The following ADORA2B variants were observed in gnomAD, a reference collection of about 807,000 sequenced individuals.
The protein encoded by ADORA2B is adenosine receptor A2b.
ADORA2B carries 18 observed loss-of-function variants against 20.8 expected under a neutral mutation model. That is an observed-to-expected ratio of 0.87 (90% CI 0.60 to 1.29). The LOEUF is 1.29. ADORA2B is among the 50% of genes most tolerant of loss of function. The probability of loss-of-function intolerance (pLI) is 0.00; values close to 1 mark genes in which losing one functional copy is unlikely to be tolerated. For missense variants in ADORA2B, 441 were observed against 422.7 expected, an observed-to-expected ratio of 1.04 and a Z score of -0.38; for synonymous variants, 179 against 178.3, an observed-to-expected ratio of 1.00 and a Z score of -0.03.
chr17:15,959,737 G>A (rs1970012847), intron 1 of ADORA2B, among the ~76,000 whole-genome samples: 1 of 152,194 alleles, frequency 6.6e-6, no homozygotes, highest in South Asian at 2.1e-4. Flanking sequence ...CTGACCTCAG[G>A]TGATCCACTC....
chr17:15,860,377 T>A, the ADORA2B span, among the ~76,000 whole-genome samples: 1 of 152,040 alleles, frequency 6.6e-6, no homozygotes. Flanking sequence ...GCCTTTCTCA[T>A]GTAAAAAAGT....
At chr17:15,903,199 T>G in the ADORA2B span, among the ~76,000 whole-genome samples, 1 of 152,208 alleles carries the variant, frequency 6.6e-6, no homozygotes, top group Admixed American at 6.5e-5. Flanking sequence ...CTGTCTATTT[T>G]GGGTCTGGCT....
chr17:15,938,462 C>T, the ADORA2B span, among the ~76,000 whole-genome samples: 1 of 152,122 alleles, frequency 6.6e-6, no homozygotes. Flanking sequence ...GCCACCACGC[C>T]CGGCTAATGT....
the ADORA2B span, among the ~76,000 whole-genome samples, chr17:15,911,110 G>A: frequency 6.6e-6 from 1 of 152,246 alleles, no homozygotes; most frequent in Non-Finnish European, 1.5e-5. Context: ...CCCCAGGGCA[G>A]GCAGCCTGTG....
At chr17:15,926,586 C>T in the ADORA2B span, among the ~76,000 whole-genome samples, 1 of 151,896 alleles carries the variant, frequency 6.6e-6, no homozygotes, top group Non-Finnish European at 1.5e-5. Flanking sequence ...AGCAGAAGGC[C>T]AATGTGAGCA....
intron 1 of ADORA2B, among the ~76,000 whole-genome samples, chr17:15,950,030 A>G (rs1969876627): frequency 6.6e-6 from 1 of 152,200 alleles, no homozygotes; most frequent in African/African-American, 2.4e-5. Context: ...ACGTATGTCC[A>G]TATTTTAATT....
intron 1 of ADORA2B, among the ~76,000 whole-genome samples, chr17:15,947,796 G>A (rs974674211): frequency 4.6e-5 from 7 of 152,216 alleles, no homozygotes; most frequent in Non-Finnish European, 8.8e-5. Context: ...AGATTACAGG[G>A]CCTCACCTGG....
At chr17:15,866,582 C>T in the ADORA2B span, among the ~76,000 whole-genome samples, 1 of 151,664 alleles carries the variant, frequency 6.6e-6, no homozygotes, top group African/African-American at 2.4e-5. Flanking sequence ...TTCCTTATTG[C>T]TTTTAAGAAT....
chr17:15,975,220 C>T lies in ADORA2B; in HGVS notation c.877C>T (p.Arg293Trp), dbSNP rs138464210. ...TGTCAATCCCATTGTCTATGCTTACCGGAACCGAGACTTCCGCTACACTTT... is the reference window on the plus strand; with the variant it reads ...TGTCAATCCCATTGTCTATGCTTACTGGAACCGAGACTTCCGCTACACTTT... ...SVVNPIVYAYRNRDFRYTFHK... is the reference protein window; with the variant it reads ...SVVNPIVYAYWNRDFRYTFHK... The change falls in exon 2 of 2, where the codon CGG becomes TGG. Residue 293 changes from arginine (R) to tryptophan (W), a missense_variant. Coordinates refer to ENST00000304222, the MANE Select transcript of ADORA2B (RefSeq NM_000676.4). The T allele has an allele frequency of 1.3e-4, 216 of 1,614,028 alleles. No homozygotes were observed. Among genetic ancestry groups the T allele is most frequent in the Admixed American group, 1.8e-4 (11 of 60,020 alleles).
chr17:15,927,473 C>A, the ADORA2B span, among the ~76,000 whole-genome samples: 2 of 151,360 alleles, frequency 1.3e-5, no homozygotes, highest in African/African-American at 4.9e-5. Flanking sequence ...CAGAGTGAGA[C>A]CCTGTCTCAG....
the ADORA2B span, among the ~76,000 whole-genome samples, chr17:15,878,379 CCA>C: frequency 6.6e-6 from 1 of 152,244 alleles, no homozygotes; most frequent in South Asian, 2.1e-4. Context: ...TGGTGCTCTG[CCA>C]CAGGTTGCTG....
chr17:15,916,197 C>T, the ADORA2B span, among the ~76,000 whole-genome samples: 2 of 152,122 alleles, frequency 1.3e-5, no homozygotes, highest in East Asian at 1.9e-4. Context: ...GGATGAGCTG[C>T]AGGCTGTTAT....
chr17:15,866,505 G>GC, the ADORA2B span, among the ~76,000 whole-genome samples: 1 of 150,328 alleles, frequency 6.7e-6, no homozygotes, highest in Admixed American at 6.6e-5. Flanking sequence ...GTGGTGGGGA[G>GC]CGGGGGTATT....
the ADORA2B span, among the ~76,000 whole-genome samples, chr17:15,934,065 AAGGATGTT>A: frequency 5.3e-5 from 8 of 152,194 alleles, no homozygotes; most frequent in South Asian, 1.7e-3. Flanking sequence ...CAAATCATGA[AAGGATGTT>A]AGATTTTGCC....
Position 15,945,355 on chromosome 17 carries a change from A to T in ADORA2B, c.107A>T (p.Asn36Ile). 1 of 1,610,092 alleles carries T rather than the reference A, an allele frequency of 6.2e-7. No homozygotes were observed. The highest frequency in any genetic ancestry group is 8.5e-7 in the Non-Finnish European group (1 of 1,179,452). Residue 36 changes from asparagine to isoleucine, a missense_variant, in exon 1 of 2, where the codon AAC (asparagine) becomes ATC (isoleucine). Physicochemically the swap from Asn to Ile is moderately radical, Grantham distance 149 (BLOSUM62 -3). Coordinates refer to ENST00000304222, the MANE Select transcript of ADORA2B (RefSeq NM_000676.4). Reference sequence around the variant, plus strand: ...GTGTGCGCCGCGGTGGGCACGGCGAACACTCTGCAGACGCCCACCAACTAC... The same window carrying T: ...GTGTGCGCCGCGGTGGGCACGGCGATCACTCTGCAGACGCCCACCAACTAC... ...VLVCAAVGTA[N>I]TLQTPTNYFL...
At chr17:15,926,970 C>CA in the ADORA2B span, among the ~76,000 whole-genome samples, 2 of 151,968 alleles carry the variant, frequency 1.3e-5, no homozygotes, top group Non-Finnish European at 2.9e-5. Context: ...GACCCTGTCT[C>CA]AAAAAATAAA....
the ADORA2B span, among the ~76,000 whole-genome samples, chr17:15,902,928 T>TG: frequency 6.6e-6 from 1 of 152,290 alleles, no homozygotes; most frequent in African/African-American, 2.4e-5. Flanking sequence ...AAGGGGCCCA[T>TG]GGGGGCTTCT....
At chr17:15,882,914 C>G in the ADORA2B span, among the ~76,000 whole-genome samples, 28 of 152,286 alleles carry the variant, frequency 1.8e-4, no homozygotes, top group African/African-American at 6.5e-4. Context: ...CATCATGTCA[C>G]CATTCAGAAA....
At chr17:15,923,287 T>C in the ADORA2B span, among the ~76,000 whole-genome samples, 1 of 148,812 alleles carries the variant, frequency 6.7e-6, no homozygotes, top group African/African-American at 2.5e-5. Context: ...TGACCTCAGG[T>C]GATCCACCCA....
Sources: allele counts gnomAD v4.1 joint callset (sites outside exome capture counted in the v4.1 genomes callset), GRCh38; gene constraint gnomAD v4.1.1; transcripts MANE v1.5; gene names NCBI Gene and HGNC (gene_info 2026-07-23, HGNC 2026-07-21).